NFATC3: variants seen among roughly 807,000 people sequenced by gnomAD.
NFATC3 encodes the protein nuclear factor of activated T cells 3, also known as nuclear factor of activated T-cells, cytoplasmic 3.
NFATC3 carries 46 observed loss-of-function variants against 98.6 expected under a neutral mutation model. The ratio of observed to expected loss-of-function variants is 0.47; its 90% CI spans 0.37 to 0.60. The LOEUF (loss-of-function observed/expected upper bound fraction) is 0.60, where lower values mean the gene tolerates loss of function less well. Ranked by LOEUF, NFATC3 falls within the 20% of genes least tolerant of loss-of-function variation. NFATC3 has a pLI of 0.00. For synonymous variants in NFATC3, 512 were observed against 472.2 expected, an observed-to-expected ratio of 1.08 and a Z score of -1.09; for missense variants, 1,256 against 1,295.5, an observed-to-expected ratio of 0.97 and a Z score of 0.47.
chr16:68,195,803 G>A (rs866216592), intron 9 of NFATC3, among the ~76,000 whole-genome samples: 1 of 152,170 alleles, frequency 6.6e-6, no homozygotes, highest in African/African-American at 2.4e-5. Flanking sequence ...GCAAGACTCC[G>A]TCTCAAAAAA....
At chr16:68,190,644 G>T in intron 8 of NFATC3, 124 bp from the exon 9 acceptor site, 1 of 872,698 alleles carries the variant, frequency 1.1e-6, no homozygotes, top group Non-Finnish European at 1.7e-6. Context: ...TATATGAACT[G>T]CCTTCCTTGG....
At chr16:68,153,228 A>G (rs1255914913) in intron 3 of NFATC3, among the ~76,000 whole-genome samples, 3 of 152,124 alleles carry the variant, frequency 2.0e-5, no homozygotes, top group Non-Finnish European at 4.4e-5. Flanking sequence ...CAAGACCAGC[A>G]TGGCCAACAT....
chr16:68,105,091 G>GTTTT (rs1171881277), intron 1 of NFATC3, among the ~76,000 whole-genome samples: 1 of 134,648 alleles, frequency 7.4e-6, no homozygotes, highest in South Asian at 2.4e-4. Context: ...GACTGTGTGG[G>GTTTT]TTTTTTTTTT....
intron 3 of NFATC3, among the ~76,000 whole-genome samples, chr16:68,134,802 G>A (rs1162770051): frequency 6.6e-6 from 1 of 152,084 alleles, no homozygotes; most frequent in African/African-American, 2.4e-5. Context: ...TTGAATTCAT[G>A]AATAGGTGTT....
intron 1 of NFATC3, among the ~76,000 whole-genome samples, chr16:68,091,941 A>G (rs569346878): frequency 6.6e-6 from 1 of 152,234 alleles, no homozygotes; most frequent in Non-Finnish European, 1.5e-5. Context: ...GGAGAGTCAC[A>G]AGCAAGAGCA....
chr16:68,204,908 G>T (rs1019985653), intron 9 of NFATC3, among the ~76,000 whole-genome samples: 1 of 151,798 alleles, frequency 6.6e-6, no homozygotes, highest in Non-Finnish European at 1.5e-5. Flanking sequence ...GCATTACAAG[G>T]TTACCTCTTG....
At chr16:68,179,028 C>T (rs2039839977) in intron 6 of NFATC3, among the ~76,000 whole-genome samples, 1 of 152,200 alleles carries the variant, frequency 6.6e-6, no homozygotes, top group African/African-American at 2.4e-5. Context: ...ATACTTTATA[C>T]AGCATCACAG....
chr16:68,211,889 C>T (rs764069166), intron 9 of NFATC3, among the ~76,000 whole-genome samples: 3 of 152,210 alleles, frequency 2.0e-5, no homozygotes, highest in Non-Finnish European at 4.4e-5. Context: ...TTTTGGAGCT[C>T]ACGAAAGTGC....
chr16:68,166,780 G>T, intron 4 of NFATC3, 63 bp from the exon 5 acceptor site: 1 of 1,292,434 alleles, frequency 7.7e-7, no homozygotes, highest in Middle Eastern at 2.1e-4. Flanking sequence ...TTTCTATGTA[G>T]TTGAGTTGTT....
chr16:68,107,094 GC>G, intron 1 of NFATC3, among the ~76,000 whole-genome samples: 1 of 152,110 alleles, frequency 6.6e-6, no homozygotes, highest in Non-Finnish European at 1.5e-5. Context: ...TTTTATGGCT[GC>G]ACAGTATTCC....
At chr16:68,191,958 C>T (rs1475907716) in intron 9 of NFATC3, 183 bp downstream of exon 9, 3 of 641,882 alleles carry the variant, frequency 4.7e-6, no homozygotes, top group Non-Finnish European at 7.7e-6. Context: ...GCCTGTATCC[C>T]AGCACTTTGG....
intron 3 of NFATC3, among the ~76,000 whole-genome samples, chr16:68,151,044 A>G (rs959880189): frequency 6.6e-6 from 1 of 152,172 alleles, no homozygotes; most frequent in African/African-American, 2.4e-5. Flanking sequence ...GCAGTATGAG[A>G]ATGGACTAAT....
At chr16:68,218,664 A>G (rs1301135338) in intron 9 of NFATC3, among the ~76,000 whole-genome samples, 1 of 149,600 alleles carries the variant, frequency 6.7e-6, no homozygotes, top group Non-Finnish European at 1.5e-5. Context: ...GCTCTGCCTC[A>G]TGGGTTCACT....
intron 5 of NFATC3, among the ~76,000 whole-genome samples, chr16:68,169,581 A>C (rs796651344): frequency 6.6e-6 from 1 of 152,162 alleles, no homozygotes; most frequent in Admixed American, 6.6e-5. Flanking sequence ...ATTTAAGTTC[A>C]TAGAGTAGTT....
intron 8 of NFATC3, among the ~76,000 whole-genome samples, chr16:68,184,490 A>G (rs762890918): frequency 1.3e-5 from 2 of 152,102 alleles, no homozygotes; most frequent in African/African-American, 4.8e-5. Flanking sequence ...CAGTTGGACA[A>G]TCATGGAGAA....
chr16:68,191,840 C>A, intron 9 of NFATC3, 65 bp downstream of exon 9: 1 of 1,553,976 alleles, frequency 6.4e-7, no homozygotes, highest in Non-Finnish European at 8.8e-7. Flanking sequence ...TCCCAAGTGT[C>A]ATGAAAAAGT....
intron 3 of NFATC3, among the ~76,000 whole-genome samples, chr16:68,154,747 T>C (rs1474287424): frequency 6.6e-6 from 1 of 152,196 alleles, no homozygotes; most frequent in Non-Finnish European, 1.5e-5. Flanking sequence ...GAGTGGTTCA[T>C]GCAATAAGGC....
At position 68,091,855 on chromosome 16, in the gene NFATC3, A is replaced by G. The variant is rs1025345892; in HGVS notation, c.103+6071A>G. Among the ~76,000 whole-genome samples, 10 of 152,212 alleles carry G rather than the reference A, an allele frequency of 6.6e-5. 1 individual carries two copies. The highest frequency in any genetic ancestry group is 1.4e-4 in the African/African-American group (6 of 41,456). ...TTCTAAAACAATATCCAAGTCATCA[A>G]ATTTGCCCAGGCATGCCATATGAGG... On this transcript the variant is annotated intron_variant, in intron 1 of 9. Transcript: ENST00000346183.
At chr16:68,182,155 T>G (rs1033043960) in intron 7 of NFATC3, among the ~76,000 whole-genome samples, 2 of 152,182 alleles carry the variant, frequency 1.3e-5, no homozygotes, top group Non-Finnish European at 2.9e-5. Context: ...AACATATGTA[T>G]AGGCCTTCAT....
Sources: allele counts gnomAD v4.1 joint callset (sites outside exome capture counted in the v4.1 genomes callset), GRCh38; gene constraint gnomAD v4.1.1; transcripts MANE v1.5; gene names NCBI Gene and HGNC (gene_info 2026-07-23, HGNC 2026-07-21).